Variants in GALNTL6 observed in about 807,000 individuals in gnomAD.
GALNTL6 encodes the protein polypeptide N-acetylgalactosaminyltransferase like 6, also known as polypeptide N-acetylgalactosaminyltransferase-like 6.
In GALNTL6, 46 loss-of-function variants were observed where a neutral mutation model predicts 73.7. The observed-to-expected ratio is 0.62, with a 90% CI of 0.49 to 0.80. GALNTL6 has a LOEUF of 0.80. Ranked by LOEUF, GALNTL6 falls within the 30% of genes least tolerant of loss-of-function variation. GALNTL6 has a pLI of 0.00. For missense variants in GALNTL6, 604 were observed against 755.0 expected (o/e 0.80, Z 2.34); for synonymous variants, 259 against 263.7 (o/e 0.98, Z 0.17).
At chr4:172,115,929 T>TA (rs1732972544) in intron 2 of GALNTL6, among the ~76,000 whole-genome samples, 1 of 152,070 alleles carries the variant, frequency 6.6e-6, no homozygotes, top group African/African-American at 2.4e-5. Context: ...GTATTTCAGA[T>TA]AAGCCTCTAA....
intron 2 of GALNTL6, among the ~76,000 whole-genome samples, chr4:172,000,879 T>C (rs1027126846): frequency 6.6e-6 from 1 of 152,132 alleles, no homozygotes; most frequent in African/African-American, 2.4e-5. Flanking sequence ...GAAGTTGTAT[T>C]ACTTCAGCAT....
At chr4:172,966,909 T>G (rs891569355) in intron 10 of GALNTL6, among the ~76,000 whole-genome samples, 7 of 152,186 alleles carry the variant, frequency 4.6e-5, no homozygotes, top group African/African-American at 1.7e-4. Flanking sequence ...AAGTTGTCTC[T>G]TACATTCACA....
chr4:172,988,922 G>A (rs1269709032), intron 10 of GALNTL6, among the ~76,000 whole-genome samples: 1 of 152,228 alleles, frequency 6.6e-6, no homozygotes, highest in Admixed American at 6.5e-5. Context: ...GGAAATGCCT[G>A]GATGTCCAGG....
intron 2 of GALNTL6, among the ~76,000 whole-genome samples, chr4:172,051,076 G>T (rs546150292): frequency 6.6e-6 from 1 of 152,234 alleles, no homozygotes; most frequent in African/African-American, 2.4e-5. Context: ...CCTTGGCAAA[G>T]GCAGAGTGTT....
chr4:172,385,670 CAA>C (rs1743439724), intron 5 of GALNTL6, among the ~76,000 whole-genome samples: 1 of 151,922 alleles, frequency 6.6e-6, no homozygotes, highest in African/African-American at 2.4e-5. Flanking sequence ...ATCTTGTGGA[CAA>C]AATATCATTG....
intron 5 of GALNTL6, among the ~76,000 whole-genome samples, chr4:172,369,041 G>A (rs1194555008): frequency 6.6e-6 from 1 of 152,162 alleles, no homozygotes. Context: ...ACCTGAGCAG[G>A]TTGCCACTGC....
rs1168762529 is a variant in GALNTL6 at position 171,971,152 on chromosome 4, A to G, written c.138+156434A>G. On this transcript the variant is annotated intron_variant, in intron 2 of 12. Coordinates refer to ENST00000506823, the MANE Select transcript of GALNTL6 (RefSeq NM_001034845.3). ...TGAATTGTACACAGAAAACATGCAA[A>G]GTTTATTAACATGTGGCATTATTTG... 2.6e-5 allele frequency among the ~76,000 whole-genome samples: 4 copies of G among 152,310 alleles called. No individual in the cohort carries two copies. In the East Asian group the frequency reaches 7.7e-4, roughly 29 times the overall value.
chr4:173,002,221 C>T (rs1752074127), intron 10 of GALNTL6, among the ~76,000 whole-genome samples: 1 of 151,616 alleles, frequency 6.6e-6, no homozygotes, highest in Non-Finnish European at 1.5e-5. Context: ...GAAACGCTGT[C>T]TCTACTAAAT....
intron 2 of GALNTL6, among the ~76,000 whole-genome samples, chr4:172,123,620 G>A (rs1733213049): frequency 6.7e-6 from 1 of 148,550 alleles, no homozygotes; most frequent in African/African-American, 2.5e-5. Context: ...TCCTGCCTCA[G>A]CCTCCCAAGT....
chr4:172,369,905 G>A (rs887123966), intron 5 of GALNTL6, among the ~76,000 whole-genome samples: 4 of 152,212 alleles, frequency 2.6e-5, no homozygotes, highest in Non-Finnish European at 4.4e-5. Context: ...GGCCAACCCA[G>A]AGAGGGGCTC....
At chr4:172,625,895 T>C (rs1739149115) in intron 5 of GALNTL6, among the ~76,000 whole-genome samples, 1 of 152,114 alleles carries the variant, frequency 6.6e-6, no homozygotes, top group African/African-American at 2.4e-5. Flanking sequence ...ATTATTTAAG[T>C]TCCTTATAGA....
At chr4:172,227,354 C>G (rs1007241326) in intron 2 of GALNTL6, among the ~76,000 whole-genome samples, 1 of 152,204 alleles carries the variant, frequency 6.6e-6, no homozygotes, top group Non-Finnish European at 1.5e-5. Flanking sequence ...TAACATGGAA[C>G]CCTGATTTTC....
intron 5 of GALNTL6, among the ~76,000 whole-genome samples, chr4:172,713,491 A>G (rs1305595263): frequency 6.6e-6 from 1 of 152,054 alleles, no homozygotes; most frequent in Non-Finnish European, 1.5e-5. Context: ...GCCCACCCAC[A>G]TATAAAGGGA....
intron 8 of GALNTL6, among the ~76,000 whole-genome samples, chr4:172,889,571 A>G (rs1745909926): frequency 2.0e-5 from 3 of 152,190 alleles, no homozygotes; most frequent in Admixed American, 6.5e-5. Flanking sequence ...TGATTTGCAT[A>G]TGTTGAACCA....
At chr4:172,601,381 G>C (rs1259567299) in intron 5 of GALNTL6, among the ~76,000 whole-genome samples, 2 of 152,064 alleles carry the variant, frequency 1.3e-5, no homozygotes, top group Non-Finnish European at 2.9e-5. Context: ...TTGGGTAATG[G>C]GGCAGATCAC....
intron 2 of GALNTL6, among the ~76,000 whole-genome samples, chr4:171,979,628 T>C (rs1021445117): frequency 2.0e-5 from 3 of 152,138 alleles, no homozygotes; most frequent in African/African-American, 7.2e-5. Flanking sequence ...TTTCCCAAAC[T>C]GAAAGGCAGT....
intron 2 of GALNTL6, among the ~76,000 whole-genome samples, chr4:171,868,966 C>T (rs1390356535): frequency 6.6e-6 from 1 of 152,214 alleles, no homozygotes; most frequent in Non-Finnish European, 1.5e-5. Flanking sequence ...CAGGCATGAG[C>T]CACCGTGTCT....
chr4:172,497,737 T>C (rs1734114546), intron 5 of GALNTL6, among the ~76,000 whole-genome samples: 1 of 152,224 alleles, frequency 6.6e-6, no homozygotes, highest in Non-Finnish European at 1.5e-5. Context: ...AGAATCACTG[T>C]GGTCATTATT....
rs1178636731 is a variant in GALNTL6, at chr4:172,229,694, A to G, written c.177A>G (p.Ser59=). The part of the protein sequence containing the change: ...PLGLGDGQFY[S]WTDGLRRKDW... ...GCCTGGGAGATGGGCAATTCTATTC[A>G]TGGACAGATGGTTTGAGAAGAAAGG... Residue 59 remains serine (S), a synonymous_variant, in exon 3 of 13, where the codon TCA becomes TCG. Coordinates refer to ENST00000506823, the MANE Select transcript of GALNTL6 (RefSeq NM_001034845.3). The G allele has an allele frequency of 1.4e-5, 23 of 1,613,904 alleles. No homozygotes were observed. Among genetic ancestry groups the G allele is most frequent in the Non-Finnish European group, 1.9e-5 (23 of 1,179,832 alleles).
Sources: gnomAD v4.1 joint callset for allele counts (sites outside exome capture counted in the v4.1 genomes callset) on GRCh38, gnomAD v4.1.1 for gene constraint, MANE v1.5 for transcripts, NCBI Gene and HGNC (gene_info 2026-07-23, HGNC 2026-07-21) for gene names.